The following SLC25A13 variants were observed in gnomAD, a reference collection of about 807,000 sequenced individuals.
SLC25A13 encodes solute carrier family 25 member 13, also known as electrogenic aspartate/glutamate antiporter SLC25A13, mitochondrial.
SLC25A13 carries 70 observed loss-of-function variants against 85.5 expected under a neutral mutation model. The ratio of observed to expected loss-of-function variants is 0.82; its 90% CI spans 0.68 to 1.00. The LOEUF (loss-of-function observed/expected upper bound fraction) is 1.00, where lower values mean the gene tolerates loss of function less well. Among genes scored for constraint, SLC25A13 ranks in the 50% least tolerant of loss-of-function variants. SLC25A13 has a pLI of 0.00. For missense variants in SLC25A13, 765 were observed against 819.8 expected (o/e 0.93, Z 0.82); for synonymous variants, 259 against 288.7 (o/e 0.90, Z 1.04).
At chr7:96,301,055 T>C (rs1412987595) in intron 1 of SLC25A13, among the ~76,000 whole-genome samples, 1 of 152,218 alleles carries the variant, frequency 6.6e-6, no homozygotes, top group Non-Finnish European at 1.5e-5. Flanking sequence ...TTCAATGAAT[T>C]CTACCTGGTG....
chr7:96,177,221 A>G (rs552797180), intron 11 of SLC25A13, among the ~76,000 whole-genome samples: 54 of 152,314 alleles, frequency 3.5e-4, no homozygotes, highest in African/African-American at 1.3e-3. Context: ...CATTATGCCT[A>G]TCTTAGAACA....
intron 3 of SLC25A13, among the ~76,000 whole-genome samples, chr7:96,255,646 C>A (rs1797605625): frequency 6.6e-6 from 1 of 152,092 alleles, no homozygotes; most frequent in Admixed American, 6.5e-5. Flanking sequence ...ATGATTGTAC[C>A]ACTACACTTC....
At chr7:96,148,175 G>C (rs1792881473) in intron 13 of SLC25A13, among the ~76,000 whole-genome samples, 1 of 152,100 alleles carries the variant, frequency 6.6e-6, no homozygotes, top group Non-Finnish European at 1.5e-5. Flanking sequence ...TGGGTTGGGG[G>C]ACAACACAAA....
intron 11 of SLC25A13, among the ~76,000 whole-genome samples, chr7:96,172,548 C>T (rs976631085): frequency 6.6e-6 from 1 of 151,304 alleles, no homozygotes; most frequent in Non-Finnish European, 1.5e-5. Flanking sequence ...TGGAGCGAGA[C>T]TCTGCCTCAA....
At chr7:96,222,537 C>T (rs1247286115) in intron 4 of SLC25A13, among the ~76,000 whole-genome samples, 3 of 152,178 alleles carry the variant, frequency 2.0e-5, no homozygotes, top group Non-Finnish European at 4.4e-5. Flanking sequence ...CCTCCACCTC[C>T]TGGGTTCAAG....
At chr7:96,202,165 T>A (rs1327850717) in intron 5 of SLC25A13, among the ~76,000 whole-genome samples, 1 of 152,202 alleles carries the variant, frequency 6.6e-6, no homozygotes, top group East Asian at 1.9e-4. Context: ...TGGGTATGCT[T>A]TGGCATCCAA....
chr7:96,269,917 T>C (rs1798170757), intron 3 of SLC25A13, among the ~76,000 whole-genome samples: 1 of 152,072 alleles, frequency 6.6e-6, no homozygotes, highest in African/African-American at 2.4e-5. Context: ...GTCAAACTCA[T>C]AGAAACAGAG....
chr7:96,221,733 T>G (rs1004662364), intron 4 of SLC25A13, among the ~76,000 whole-genome samples: 4 of 152,246 alleles, frequency 2.6e-5, no homozygotes, highest in African/African-American at 9.6e-5. Context: ...CCCATCATTT[T>G]CTGCAACCTG....
At chr7:96,172,055 T>C (rs756304893) in intron 11 of SLC25A13, among the ~76,000 whole-genome samples, 1 of 152,094 alleles carries the variant, frequency 6.6e-6, no homozygotes, top group Non-Finnish European at 1.5e-5. Context: ...AGGTTCATGG[T>C]AATATTCTTC....
intron 4 of SLC25A13, among the ~76,000 whole-genome samples, chr7:96,233,902 T>C (rs937231233): frequency 1.3e-5 from 2 of 152,234 alleles, no homozygotes; most frequent in East Asian, 3.8e-4. Flanking sequence ...AGAAGTCCTG[T>C]CTGGGTCTCA....
intron 2 of SLC25A13, among the ~76,000 whole-genome samples, chr7:96,281,338 C>CTGAGA (rs1214764605): frequency 6.7e-6 from 1 of 149,464 alleles, no homozygotes; most frequent in Non-Finnish European, 1.5e-5. Context: ...TTGCAGTGAG[C>CTGAGA]TGAGACCGCC....
chr7:96,261,583 C>G (rs1797852567), intron 3 of SLC25A13, among the ~76,000 whole-genome samples: 1 of 152,158 alleles, frequency 6.6e-6, no homozygotes, highest in Admixed American at 6.5e-5. Context: ...TTACTTTACT[C>G]TCAAAAACCT....
At chr7:96,231,797 C>T (rs1796551420) in intron 4 of SLC25A13, among the ~76,000 whole-genome samples, 1 of 151,724 alleles carries the variant, frequency 6.6e-6, no homozygotes, top group Non-Finnish European at 1.5e-5. Flanking sequence ...ATATACGCGG[C>T]CAAGAAGCAT....
chr7:96,212,798 C>T (rs1795752547), intron 4 of SLC25A13, among the ~76,000 whole-genome samples: 2 of 152,062 alleles, frequency 1.3e-5, no homozygotes, highest in Admixed American at 1.3e-4. Context: ...GAAAAGTTTG[C>T]TATGGAAAGA....
At chr7:96,186,554 A>G (rs2116638177) in intron 9 of SLC25A13, among the ~76,000 whole-genome samples, 1 of 152,338 alleles carries the variant, frequency 6.6e-6, no homozygotes, top group South Asian at 2.1e-4. Context: ...TGCTCTTTAA[A>G]CAAAAAGAAC....
chr7:96,167,438 G>A (rs1215650310), intron 13 of SLC25A13, among the ~76,000 whole-genome samples: 2 of 152,072 alleles, frequency 1.3e-5, no homozygotes, highest in African/African-American at 4.8e-5. Flanking sequence ...ACATTATGAA[G>A]TTATGAGACA....
intron 3 of SLC25A13, among the ~76,000 whole-genome samples, chr7:96,239,042 T>C (rs1326015135): frequency 1.7e-4 from 1 of 5,918 alleles, no homozygotes; most frequent in Non-Finnish European, 4.0e-4. Context: ...ATATTTTATA[T>C]ATATATATAT....
At chr7:96,136,220 G>A (rs1792281206) in intron 14 of SLC25A13, among the ~76,000 whole-genome samples, 1 of 152,056 alleles carries the variant, frequency 6.6e-6, no homozygotes, top group Non-Finnish European at 1.5e-5. Flanking sequence ...TTCTTTAAGG[G>A]TAGGCCTCAC....
intron 3 of SLC25A13, among the ~76,000 whole-genome samples, chr7:96,243,358 T>C (rs1797063938): frequency 6.6e-6 from 1 of 152,166 alleles, no homozygotes; most frequent in African/African-American, 2.4e-5. Context: ...TACCTCAAAA[T>C]TGACAACATC....
Sources: allele counts gnomAD v4.1 joint callset (sites outside exome capture counted in the v4.1 genomes callset), GRCh38; gene constraint gnomAD v4.1.1; transcripts MANE v1.5; gene names NCBI Gene and HGNC (gene_info 2026-07-23, HGNC 2026-07-21).